The following SOX30 variants were observed in gnomAD, a reference collection of about 807,000 sequenced individuals.
SOX30 encodes the protein SRY-box transcription factor 30.
Under a neutral mutation model 58.6 loss-of-function variants are expected in SOX30, and 17 were observed. The ratio of observed to expected loss-of-function variants is 0.29; its 90% CI spans 0.20 to 0.44. The LOEUF is 0.44. SOX30 is among the 20% of genes least tolerant of loss of function. The probability of loss-of-function intolerance (pLI) is 1.00; values close to 1 mark genes in which losing one functional copy is unlikely to be tolerated. For synonymous variants in SOX30, 421 were observed against 400.2 expected (o/e 1.05, Z -0.62); for missense variants, 951 against 965.8 (o/e 0.98, Z 0.20).
chr5:157,633,543 T>C (rs72811392), intron 4 of SOX30, among the ~76,000 whole-genome samples: 10 of 152,342 alleles, frequency 6.6e-5, no homozygotes, highest in Non-Finnish European at 1.0e-4. Flanking sequence ...TAACTAAGTC[T>C]ATCATGTTTT....
upstream of SOX30, among the ~76,000 whole-genome samples, chr5:157,656,890 G>C (rs538279351): frequency 6.6e-6 from 1 of 152,098 alleles, no homozygotes; most frequent in South Asian, 2.1e-4. Context: ...AGTTAAAGGG[G>C]TATTCAGTTT....
At chr5:157,671,434 C>G in exon 1 of SOX30, 1 of 604,500 alleles carries the variant, frequency 1.7e-6, no homozygotes, top group Non-Finnish European at 3.0e-6. Flanking sequence ...CCGCCGGACT[C>G]TGCACGCATG....
chr5:157,652,684 A>G (rs1192291411), upstream of SOX30, among the ~76,000 whole-genome samples: 1 of 152,206 alleles, frequency 6.6e-6, no homozygotes, highest in African/African-American at 2.4e-5. Context: ...TATTGTGCTA[A>G]AGTTTCAATT....
chr5:157,630,941 TAC>T (rs1758778554), intron 4 of SOX30, among the ~76,000 whole-genome samples: 3 of 134,678 alleles, frequency 2.2e-5, no homozygotes, highest in Admixed American at 8.4e-5. Context: ...TATATATATA[TAC>T]TATATATATT....
Position 157,638,294 on chromosome 5 carries a change from T to A in SOX30, c.1816A>T (p.Thr606Ser). The A allele has an allele frequency of 6.3e-7, 1 of 1,599,390 alleles. No homozygotes were observed. Among genetic ancestry groups the A allele is most frequent in the Non-Finnish European group, 8.5e-7 (1 of 1,171,912 alleles). ...PLGHPATLFG[T>S]PPRFSFHHPY... The stretch of plus-strand genomic sequence containing the variant: ...TGATGAAAAGAGAATCTTGGTGGTG[T>A]CCCGAACAGTGTGGCTGGATGGCCA... The change falls in exon 4 of 5, where the codon ACA becomes TCA. Residue 606 changes from threonine (T) to serine (S), a missense_variant. By Grantham distance (58) the Thr-to-Ser change is moderately conservative. Transcript: ENST00000265007.
intron 2 of SOX30, among the ~76,000 whole-genome samples, chr5:157,660,474 T>C (rs1047832120): frequency 6.6e-6 from 1 of 150,910 alleles, no homozygotes; most frequent in Non-Finnish European, 1.5e-5. Context: ...TAAAATAAAA[T>C]ATAAAATAAA....
rs922490111 is a variant in SOX30, at chr5:157,625,946, T to C, written c.*394A>G. 6.4e-6 allele frequency: 1 copy of C among 155,836 alleles called. No homozygotes were observed. Among genetic ancestry groups the C allele is most frequent in the Non-Finnish European group, 1.4e-5 (1 of 70,306 alleles). 9.7% of individuals were successfully genotyped at this position (155,836 alleles called of 1,614,324 possible). A position where few individuals can be genotyped will look rare whatever the true frequency, so the allele number is the denominator to read the frequency against. ...ATTGACAACATCCATAAGTATTACA[T>C]AAAAAGCAAACAAAAAATCATTTAA... On this transcript the variant is annotated 3_prime_UTR_variant, in exon 5 of 5. Coordinates refer to ENST00000265007, the MANE Select transcript of SOX30 (RefSeq NM_178424.2).
chr5:157,627,549 T>C (rs566946542), intron 4 of SOX30, among the ~76,000 whole-genome samples: 11 of 152,278 alleles, frequency 7.2e-5, no homozygotes, highest in Non-Finnish European at 1.2e-4. Flanking sequence ...AATTTTTTCA[T>C]TGACATTCAA....
chr5:157,660,149 A>G (rs1442610591), intron 2 of SOX30, among the ~76,000 whole-genome samples: 3 of 152,226 alleles, frequency 2.0e-5, no homozygotes, highest in African/African-American at 7.2e-5. Context: ...AGCCTGGTGC[A>G]GTTGTTCATG....
chr5:157,661,487 A>C (rs559627061), intron 2 of SOX30, among the ~76,000 whole-genome samples: 83 of 152,360 alleles, frequency 5.4e-4, no homozygotes, highest in African/African-American at 1.8e-3. Flanking sequence ...TGTTGCAACC[A>C]ATCAACTCTG....
chr5:157,663,450 C>T (rs1759612326), intron 2 of SOX30, among the ~76,000 whole-genome samples: 1 of 152,040 alleles, frequency 6.6e-6, no homozygotes, highest in Non-Finnish European at 1.5e-5. Flanking sequence ...ATGGGATGTA[C>T]CTCAAAATAG....
At chr5:157,667,068 G>T (rs1759689133) in intron 2 of SOX30, among the ~76,000 whole-genome samples, 1 of 152,166 alleles carries the variant, frequency 6.6e-6, no homozygotes, top group African/African-American at 2.4e-5. Flanking sequence ...CTAGGTATCT[G>T]AAGAACTTGT....
rs766189335 is a variant in SOX30 at position 157,667,759 on chromosome 5, TACATACACAC to T, written c.52+29_52+38del. 1.8e-5 allele frequency: 25 copies of T among 1,392,562 alleles called. No homozygotes were observed. In the African/African-American group the frequency reaches 2.8e-4, roughly 16 times the overall value. The allele number at this position is 1,392,562 out of a possible 1,614,324, so 86.3% of individuals were successfully genotyped here. A position where few individuals can be genotyped will look rare whatever the true frequency, so the allele number is the denominator to read the frequency against. ...ATCTCAGAATACATACATACATACA[TACATACACAC>T]ACACACACACACACACACACATACA... is the stretch of plus-strand genomic sequence containing the variant. On this transcript the variant is annotated intron_variant, in intron 2 of 5. Transcript: ENST00000519442.
At chr5:157,638,842 GCAT>G in intron 3 of SOX30, 120 bp from the exon 4 acceptor site, 1 of 903,672 alleles carries the variant, frequency 1.1e-6, no homozygotes, top group East Asian at 2.6e-5. Context: ...TTACCTAACT[GCAT>G]CATCATATCA....
intron 1 of SOX30, chr5:157,671,324 G>C (rs1041761356): frequency 1.7e-5 from 8 of 464,430 alleles, no homozygotes; most frequent in African/African-American, 1.6e-4. Context: ...GGTCTGCTCA[G>C]CTCACCGCAC....
In SOX30 at chr5:157,651,281, C is replaced by T; in HGVS notation, c.798G>A (p.Thr266=). 1 of 1,614,058 alleles carries T rather than the reference C, an allele frequency of 6.2e-7. No individual in the cohort carries two copies. Among genetic ancestry groups the T allele is most frequent in the Non-Finnish European group, 8.5e-7 (1 of 1,180,024 alleles). ...QDLRIPLTLH[T]VPPGARIQFQ... is the part of the protein sequence containing the mutation. ...ACTGGATCCGGGCCCCAGGGGGGAC[C>T]GTGTGGAGCGTCAAAGGGATCCTAA... The change falls in exon 1 of 5, where the codon ACG becomes ACA. Residue 266 remains threonine, a synonymous_variant. Coordinates refer to ENST00000265007, the MANE Select transcript of SOX30 (RefSeq NM_178424.2).
upstream of SOX30, among the ~76,000 whole-genome samples, chr5:157,655,615 C>G (rs1581405218): frequency 6.6e-6 from 1 of 152,270 alleles, no homozygotes; most frequent in East Asian, 1.9e-4. Flanking sequence ...GTCGATGGGA[C>G]TGCTGGAAAA....
chr5:157,636,450 T>C (rs1237845841), intron 4 of SOX30, among the ~76,000 whole-genome samples: 1 of 152,222 alleles, frequency 6.6e-6, no homozygotes, highest in African/African-American at 2.4e-5. Context: ...GAAAAGAGAT[T>C]ATCAACCTCC....
intron 2 of SOX30, among the ~76,000 whole-genome samples, chr5:157,666,478 G>GACACACACACACACAC (rs375835461): frequency 7.6e-6 from 1 of 132,440 alleles, no homozygotes; most frequent in South Asian, 2.7e-4. Context: ...TAGTCCAGTA[G>GACACACACACACACAC]ACACACACAC....
Sources: allele counts gnomAD v4.1 joint callset (sites outside exome capture counted in the v4.1 genomes callset), GRCh38; gene constraint gnomAD v4.1.1; transcripts MANE v1.5; gene names NCBI Gene and HGNC (gene_info 2026-07-23, HGNC 2026-07-21).